The following ASIC2 variants were observed in gnomAD, a reference collection of about 807,000 sequenced individuals.
ASIC2 encodes acid sensing ion channel subunit 2.
Under a neutral mutation model 57.3 loss-of-function variants are expected in ASIC2, and 25 were observed. The observed-to-expected ratio is 0.44, with a 90% CI of 0.32 to 0.61. The LOEUF (loss-of-function observed/expected upper bound fraction) is 0.61, where lower values mean the gene tolerates loss of function less well. ASIC2 is among the 20% of genes least tolerant of loss of function. The pLI is 0.06. For synonymous variants in ASIC2, 319 were observed against 307.5 expected, an observed-to-expected ratio of 1.04 and a Z score of -0.39; for missense variants, 641 against 738.1, an observed-to-expected ratio of 0.87 and a Z score of 1.52.
At chr17:33,544,200 G>C (rs1293468714) in intron 1 of ASIC2, among the ~76,000 whole-genome samples, 2 of 152,122 alleles carry the variant, frequency 1.3e-5, no homozygotes, top group Non-Finnish European at 2.9e-5. Context: ...CCATGTGGTC[G>C]CCTGTGTCAC....
chr17:33,697,712 G>A (rs1908570066), intron 1 of ASIC2, among the ~76,000 whole-genome samples: 1 of 152,176 alleles, frequency 6.6e-6, no homozygotes, highest in Non-Finnish European at 1.5e-5. Context: ...CTTGACTAAG[G>A]ACTGCTGCTC....
intron 1 of ASIC2, among the ~76,000 whole-genome samples, chr17:34,095,853 T>C (rs948346535): frequency 2.0e-5 from 3 of 151,060 alleles, no homozygotes; most frequent in Non-Finnish European, 4.4e-5. Flanking sequence ...GAAAGGAAAC[T>C]GATATTTTAT....
At chr17:33,863,635 G>A (rs1011307231) in intron 1 of ASIC2, among the ~76,000 whole-genome samples, 3 of 152,132 alleles carry the variant, frequency 2.0e-5, no homozygotes, top group African/African-American at 4.8e-5. Context: ...GATAATCCGG[G>A]CCACCATCTT....
chr17:34,088,689 C>T (rs1183482852), intron 1 of ASIC2, among the ~76,000 whole-genome samples: 3 of 152,242 alleles, frequency 2.0e-5, no homozygotes, highest in Non-Finnish European at 4.4e-5. Context: ...GTGGGCTCCA[C>T]CCAGTTCAAG....
intron 1 of ASIC2, among the ~76,000 whole-genome samples, chr17:33,965,006 G>A (rs945842093): frequency 1.2e-4 from 19 of 152,178 alleles, no homozygotes; most frequent in Non-Finnish European, 2.2e-4. Flanking sequence ...AGTGTTAGGG[G>A]AACAGGGAGT....
At chr17:33,887,498 G>C (rs1404842079) in intron 1 of ASIC2, among the ~76,000 whole-genome samples, 2 of 152,298 alleles carry the variant, frequency 1.3e-5, no homozygotes, top group Non-Finnish European at 2.9e-5. Flanking sequence ...GCAGGGGCTG[G>C]GAAGGGACTT....
chr17:33,330,627 A>G (rs1237657354), intron 1 of ASIC2, among the ~76,000 whole-genome samples: 1 of 152,154 alleles, frequency 6.6e-6, no homozygotes, highest in African/African-American at 2.4e-5. Context: ...TACGACTCTA[A>G]GTCCATGCTC....
At chr17:33,657,757 T>TAAAAAA (rs34103812) in intron 1 of ASIC2, among the ~76,000 whole-genome samples, 1 of 103,498 alleles carries the variant, frequency 9.7e-6, no homozygotes, top group African/African-American at 3.6e-5. Flanking sequence ...TGGCAGTTTC[T>TAAAAAA]AAAAAAAAAA....
intron 1 of ASIC2, among the ~76,000 whole-genome samples, chr17:33,791,337 C>T (rs957115323): frequency 6.6e-6 from 1 of 152,042 alleles, no homozygotes; most frequent in Non-Finnish European, 1.5e-5. Context: ...AAATTGAAGC[C>T]CTGCAGAGAT....
At chr17:33,900,996 G>A (rs926894923) in intron 1 of ASIC2, among the ~76,000 whole-genome samples, 3 of 152,164 alleles carry the variant, frequency 2.0e-5, no homozygotes, top group African/African-American at 7.2e-5. Context: ...TTTTGATTTA[G>A]GTGCTTCTTT....
chr17:33,611,612 A>G (rs1376151042), intron 1 of ASIC2, among the ~76,000 whole-genome samples: 2 of 152,210 alleles, frequency 1.3e-5, no homozygotes, highest in Admixed American at 1.3e-4. Context: ...TGCTCCACGT[A>G]TTCTTATTCT....
chr17:33,292,831 G>C lies in ASIC2; in HGVS notation c.-716C>G. The C allele has an allele frequency of 1.0e-6, 1 of 985,612 alleles. No homozygotes were observed. The allele number at this position is 985,612 out of a possible 1,614,324, so 61.1% of individuals were successfully genotyped here. ...CTGCGCTCGGCAGAGACCTGCTTAGGCTTCCCCAAGTCCTGCGCCTAAGTC... is the reference window on the plus strand; with the variant it reads ...CTGCGCTCGGCAGAGACCTGCTTAGCCTTCCCCAAGTCCTGCGCCTAAGTC... On this transcript the variant is annotated 5_prime_UTR_variant, in exon 1 of 10. Transcript: ENST00000225823.
At chr17:33,073,162 G>C (rs2092076144) in intron 3 of ASIC2, among the ~76,000 whole-genome samples, 1 of 152,230 alleles carries the variant, frequency 6.6e-6, no homozygotes, top group Admixed American at 6.5e-5. Context: ...AGCAATGTTT[G>C]CTACCTGTCA....
intron 1 of ASIC2, among the ~76,000 whole-genome samples, chr17:33,855,979 C>G (rs982635298): frequency 2.0e-5 from 3 of 151,410 alleles, no homozygotes; most frequent in Admixed American, 2.0e-4. Flanking sequence ...GAGAAGCTCA[C>G]AATTTAAAAG....
At chr17:33,859,267 G>C (rs939484670) in intron 1 of ASIC2, among the ~76,000 whole-genome samples, 1 of 152,180 alleles carries the variant, frequency 6.6e-6, no homozygotes, top group Non-Finnish European at 1.5e-5. Flanking sequence ...CTCCAGGCTA[G>C]AAGCTATAGC....
chr17:33,656,339 A>T (rs1332560069), intron 1 of ASIC2, among the ~76,000 whole-genome samples: 2 of 152,180 alleles, frequency 1.3e-5, no homozygotes, highest in Non-Finnish European at 2.9e-5. Context: ...GACCATGTTA[A>T]TGGAAATAAG....
chr17:33,240,441 A>G (rs992536532), intron 1 of ASIC2, among the ~76,000 whole-genome samples: 15 of 152,288 alleles, frequency 9.8e-5, no homozygotes, highest in Non-Finnish European at 1.9e-4. Context: ...TGGATAGAGA[A>G]AAGCTTCTCT....
intron 1 of ASIC2, among the ~76,000 whole-genome samples, chr17:33,538,217 A>G (rs1160165254): frequency 2.0e-5 from 3 of 152,116 alleles, no homozygotes; most frequent in African/African-American, 7.2e-5. Flanking sequence ...GAGACAGGAG[A>G]AGCAGGGTAT....
At chr17:33,529,604 C>T (rs1055851330) in intron 1 of ASIC2, among the ~76,000 whole-genome samples, 2 of 152,228 alleles carry the variant, frequency 1.3e-5, no homozygotes, top group Non-Finnish European at 2.9e-5. Context: ...AGGCACATTA[C>T]TCAACTTCCC....
Sources: gnomAD v4.1 joint callset for allele counts (sites outside exome capture counted in the v4.1 genomes callset) on GRCh38, gnomAD v4.1.1 for gene constraint, MANE v1.5 for transcripts, NCBI Gene and HGNC (gene_info 2026-07-23, HGNC 2026-07-21) for gene names.